SGCZ: variants seen among roughly 807,000 people sequenced by gnomAD.
SGCZ encodes the protein sarcoglycan zeta.
Under a neutral mutation model 41.3 loss-of-function variants are expected in SGCZ, and 40 were observed. The observed-to-expected ratio is 0.97, with a 90% CI of 0.75 to 1.26. The LOEUF (loss-of-function observed/expected upper bound fraction) is 1.26. Ranked by LOEUF, SGCZ falls within the 50% of genes most tolerant of loss-of-function variation. The pLI is 0.00. For synonymous variants in SGCZ, 206 were observed against 137.5 expected, an observed-to-expected ratio of 1.50 and a Z score of -3.49; for missense variants, 552 against 369.8, an observed-to-expected ratio of 1.49 and a Z score of -4.04.
intron 1 of SGCZ, among the ~76,000 whole-genome samples, chr8:14,997,278 A>G (rs772957951): frequency 2.6e-5 from 4 of 152,196 alleles, no homozygotes. Flanking sequence ...ATGGAATGTT[A>G]TTTCTTTGCT....
intron 4 of SGCZ, among the ~76,000 whole-genome samples, chr8:14,199,959 T>C (rs1287193272): frequency 1.3e-5 from 2 of 152,170 alleles, no homozygotes; most frequent in South Asian, 2.1e-4. Context: ...GTTACAGCCA[T>C]AGTGTGTGAT....
chr8:14,151,646 A>T (rs1278255624), intron 5 of SGCZ, among the ~76,000 whole-genome samples: 1 of 152,098 alleles, frequency 6.6e-6, no homozygotes, highest in Admixed American at 6.6e-5. Flanking sequence ...CAAGCCCAAG[A>T]ATAACAATAA....
At chr8:14,952,077 G>A (rs1800658179) in intron 1 of SGCZ, among the ~76,000 whole-genome samples, 1 of 151,846 alleles carries the variant, frequency 6.6e-6, no homozygotes, top group Non-Finnish European at 1.5e-5. Flanking sequence ...TCAACATTAA[G>A]ATTTCATCAA....
intron 1 of SGCZ, among the ~76,000 whole-genome samples, chr8:15,004,396 G>A (rs1243560274): frequency 6.6e-6 from 1 of 152,110 alleles, no homozygotes; most frequent in Non-Finnish European, 1.5e-5. Flanking sequence ...GGAAAAGGCA[G>A]GGACTCAAGG....
chr8:14,143,477 G>T (rs1178153614), intron 5 of SGCZ, among the ~76,000 whole-genome samples: 2 of 152,158 alleles, frequency 1.3e-5, no homozygotes, highest in South Asian at 2.1e-4. Context: ...AAGTCAGAAG[G>T]TCAGAGGATA....
At chr8:14,816,719 T>C (rs915802791) in intron 1 of SGCZ, among the ~76,000 whole-genome samples, 18 of 152,192 alleles carry the variant, frequency 1.2e-4, no homozygotes, top group African/African-American at 1.4e-4. Flanking sequence ...AGAAGAAGTA[T>C]ACTGATAAAA....
chr8:15,151,799 A>C (rs1265449710), intron 1 of SGCZ, among the ~76,000 whole-genome samples: 6 of 152,212 alleles, frequency 3.9e-5, no homozygotes, highest in Non-Finnish European at 8.8e-5. Flanking sequence ...CAATGAATGA[A>C]TTTTCCAACA....
At chr8:14,245,894 G>A (rs1437730136) in intron 3 of SGCZ, among the ~76,000 whole-genome samples, 1 of 152,152 alleles carries the variant, frequency 6.6e-6, no homozygotes, top group Admixed American at 6.5e-5. Flanking sequence ...AAACCACCAT[G>A]AGATACCATC....
At chr8:14,940,012 T>G (rs540228283) in intron 1 of SGCZ, among the ~76,000 whole-genome samples, 6 of 152,294 alleles carry the variant, frequency 3.9e-5, no homozygotes, top group Admixed American at 3.9e-4. Context: ...TAGAAGTAAT[T>G]CAGTTAGGTG....
At chr8:14,868,884 A>G (rs1312227667) in intron 1 of SGCZ, among the ~76,000 whole-genome samples, 1 of 152,126 alleles carries the variant, frequency 6.6e-6, no homozygotes, top group Non-Finnish European at 1.5e-5. Context: ...CCAAGGCTAA[A>G]CCAGGAAGAA....
intron 5 of SGCZ, among the ~76,000 whole-genome samples, chr8:14,128,923 T>C (rs1802947800): frequency 6.6e-6 from 1 of 152,266 alleles, no homozygotes; most frequent in East Asian, 1.9e-4. Flanking sequence ...CAATAGAGAC[T>C]CCAAAAGTGG....
rs183155751 is a variant in SGCZ at position 15,227,771 on chromosome 8, C to G, written c.39+9814G>C. 1.7e-3 allele frequency among the ~76,000 whole-genome samples: 261 copies of G among 152,284 alleles called. 1 individual carries two copies. Among genetic ancestry groups the G allele is most frequent in the African/African-American group, 6.0e-3 (251 of 41,570 alleles). ...TGCAAAACACTGAAGTACAACTCCA[C>G]AACTCTGAATAGGCACAGAGTTTAC... On this transcript the variant is annotated intron_variant, in intron 1 of 7. Coordinates refer to ENST00000382080, the MANE Select transcript of SGCZ (RefSeq NM_139167.4).
chr8:14,661,830 T>C (rs994553324), intron 1 of SGCZ, among the ~76,000 whole-genome samples: 2 of 112,270 alleles, frequency 1.8e-5, no homozygotes, highest in East Asian at 3.5e-4. Flanking sequence ...TGAAATGTGA[T>C]CTCAAATTGT....
chr8:15,016,597 T>A (rs1418032906), intron 1 of SGCZ, among the ~76,000 whole-genome samples: 1 of 152,200 alleles, frequency 6.6e-6, no homozygotes, highest in East Asian at 1.9e-4. Flanking sequence ...CTGGGCTCTA[T>A]ACTAGGTTAA....
intron 2 of SGCZ, among the ~76,000 whole-genome samples, chr8:14,393,769 C>T (rs764379431): frequency 4.6e-5 from 7 of 152,132 alleles, no homozygotes; most frequent in African/African-American, 7.2e-5. Context: ...ACAACCCAGC[C>T]GCTTCAATAT....
At chr8:14,540,517 A>T (rs1443294252) in intron 2 of SGCZ, among the ~76,000 whole-genome samples, 1 of 151,614 alleles carries the variant, frequency 6.6e-6, no homozygotes, top group Non-Finnish European at 1.5e-5. Flanking sequence ...CCTTCCACTG[A>T]TTCCCAGATT....
intron 1 of SGCZ, among the ~76,000 whole-genome samples, chr8:15,226,994 T>G (rs1191389271): frequency 6.6e-6 from 1 of 152,244 alleles, no homozygotes; most frequent in Middle Eastern, 3.4e-3. Flanking sequence ...GGGGCACACT[T>G]GACAGAGAAT....
At chr8:14,463,009 T>G (rs1016555999) in intron 2 of SGCZ, among the ~76,000 whole-genome samples, 1 of 151,834 alleles carries the variant, frequency 6.6e-6, no homozygotes, top group Non-Finnish European at 1.5e-5. Flanking sequence ...ATGTATAAAA[T>G]ACAACTGATT....
At chr8:14,642,755 A>G (rs1215162758) in intron 1 of SGCZ, among the ~76,000 whole-genome samples, 1 of 151,598 alleles carries the variant, frequency 6.6e-6, no homozygotes, top group Non-Finnish European at 1.5e-5. Flanking sequence ...TTCAGTTATA[A>G]AGAAATAAAT....
Sources: gnomAD v4.1 joint callset for allele counts (sites outside exome capture counted in the v4.1 genomes callset) on GRCh38, gnomAD v4.1.1 for gene constraint, MANE v1.5 for transcripts, NCBI Gene and HGNC (gene_info 2026-07-23, HGNC 2026-07-21) for gene names.